Variants in CTNNA2 observed in about 807,000 individuals in gnomAD.
CTNNA2 encodes catenin alpha-2.
In CTNNA2, 42 loss-of-function variants were observed where a neutral mutation model predicts 101.0. The ratio of observed to expected loss-of-function variants is 0.42; its 90% confidence interval spans 0.32 to 0.54. The LOEUF (loss-of-function observed/expected upper bound fraction) is 0.54, where lower values mean the gene tolerates loss of function less well. Among genes scored for constraint, CTNNA2 ranks in the 20% least tolerant of loss-of-function variants. The pLI, the probability that CTNNA2 is intolerant of heterozygous loss-of-function variation, is 0.14. For synonymous variants in CTNNA2, 450 were observed against 456.4 expected (o/e 0.99, Z 0.18); for missense variants, 871 against 1,223.1 (o/e 0.71, Z 4.29).
At chr2:80,463,624 T>G (rs1430916041) in intron 9 of CTNNA2, among the ~76,000 whole-genome samples, 1 of 152,220 alleles carries the variant, frequency 6.6e-6, no homozygotes, top group East Asian at 1.9e-4. Flanking sequence ...ACAAGAGGAA[T>G]GAGTTCTGAT....
chr2:80,061,012 A>C (rs1281843716), intron 7 of CTNNA2, among the ~76,000 whole-genome samples: 1 of 152,022 alleles, frequency 6.6e-6, no homozygotes, highest in Non-Finnish European at 1.5e-5. Flanking sequence ...CCTCCATTTC[A>C]ACTGCACCAC....
At chr2:79,433,164 T>C (rs893159364) in intron 4 of CTNNA2, among the ~76,000 whole-genome samples, 10 of 152,244 alleles carry the variant, frequency 6.6e-5, no homozygotes, top group African/African-American at 1.4e-4. Flanking sequence ...CATAGAACTT[T>C]ACACTTGCTT....
intron 4 of CTNNA2, among the ~76,000 whole-genome samples, chr2:79,413,417 G>T (rs1451345519): frequency 6.6e-6 from 1 of 151,948 alleles, no homozygotes; most frequent in Admixed American, 6.6e-5. Flanking sequence ...TGGCTGAATA[G>T]TATTCCACTC....
chr2:79,435,004 C>T (rs1356858226), intron 4 of CTNNA2, among the ~76,000 whole-genome samples: 1 of 152,126 alleles, frequency 6.6e-6, no homozygotes, highest in South Asian at 2.1e-4. Context: ...CTACTGCCCT[C>T]AATGAAACCA....
At chr2:80,564,490 C>T (rs1011178440) in intron 12 of CTNNA2, among the ~76,000 whole-genome samples, 4 of 147,192 alleles carry the variant, frequency 2.7e-5, no homozygotes, top group Non-Finnish European at 4.4e-5. Context: ...GGGTAGTTGT[C>T]GTGAATGGAA....
At position 80,634,278 on chromosome 2, in the gene CTNNA2, T is replaced by C. The variant is rs969202791; in HGVS notation, c.2575-13307T>C. On this transcript the variant is annotated intron_variant, in intron 18 of 18. Transcript: ENST00000402739. ...ATGAGGATGGAAATGGAGCTGCAAT[T>C]TGAAAAGTATGGCTTGGGTAGTTTT... 2.0e-5 allele frequency among the ~76,000 whole-genome samples: 3 copies of C among 152,238 alleles called. No homozygotes were observed. The South Asian group carries it at 6.2e-4, about 32-fold the overall frequency.
At chr2:79,361,272 C>A (rs999351190) in intron 3 of CTNNA2, among the ~76,000 whole-genome samples, 1 of 151,738 alleles carries the variant, frequency 6.6e-6, no homozygotes, top group African/African-American at 2.4e-5. Flanking sequence ...TTTAGACAAA[C>A]AAACAAGAGT....
chr2:80,180,878 A>G (rs1003707711), intron 7 of CTNNA2, among the ~76,000 whole-genome samples: 1 of 152,208 alleles, frequency 6.6e-6, no homozygotes, highest in South Asian at 2.1e-4. Context: ...CCAAGCAAAT[A>G]AACGATTAGA....
At chr2:80,195,354 A>G (rs1706763323) in intron 7 of CTNNA2, among the ~76,000 whole-genome samples, 1 of 152,226 alleles carries the variant, frequency 6.6e-6, no homozygotes, top group Non-Finnish European at 1.5e-5. Context: ...GCCTGGGGAA[A>G]AAAAATCAAA....
chr2:79,210,139 C>G (rs1674153263), intron 2 of CTNNA2, among the ~76,000 whole-genome samples: 1 of 108,468 alleles, frequency 9.2e-6, no homozygotes, highest in African/African-American at 4.3e-5. Flanking sequence ...GAAGTTAAGT[C>G]AGGCCTCCAC....
At chr2:79,516,929 G>C (rs1671838683) in intron 1 of CTNNA2, among the ~76,000 whole-genome samples, 2 of 152,126 alleles carry the variant, frequency 1.3e-5, no homozygotes, top group African/African-American at 4.8e-5. Flanking sequence ...GCCAGTACTT[G>C]TTAGGGTAAT....
At chr2:79,585,794 A>G (rs868257089) in intron 1 of CTNNA2, among the ~76,000 whole-genome samples, 4 of 150,784 alleles carry the variant, frequency 2.7e-5, no homozygotes, top group African/African-American at 9.8e-5. Context: ...CCTCTGGTCT[A>G]CATTGCAGGT....
intron 7 of CTNNA2, among the ~76,000 whole-genome samples, chr2:79,914,236 G>A (rs1297067323): frequency 6.6e-6 from 1 of 151,142 alleles, no homozygotes; most frequent in Non-Finnish European, 1.5e-5. Context: ...TAGACAGATT[G>A]CATTTGAAAG....
chr2:80,315,427 G>GA (rs1237382879), intron 7 of CTNNA2, among the ~76,000 whole-genome samples: 1 of 152,292 alleles, frequency 6.6e-6, no homozygotes, highest in Admixed American at 6.5e-5. Flanking sequence ...AAAATTAGCA[G>GA]AAGACTGGAC....
In CTNNA2 at chr2:80,388,858, G is replaced by C. The variant is rs550149866; in HGVS notation, c.1057-4353G>C. Among the ~76,000 whole-genome samples the C allele has an allele frequency of 4.7e-4, 71 of 152,284 alleles. No homozygotes were observed. The South Asian group carries it at 0.011, about 24-fold the overall frequency. Reference sequence around the variant, plus strand: ...AGGTGAGGCTTCTGGTTGACTCCTAGGGAACTAGAATGTGCTTGTGATGAT... The same window carrying C: ...AGGTGAGGCTTCTGGTTGACTCCTACGGAACTAGAATGTGCTTGTGATGAT... On this transcript the variant is annotated intron_variant, in intron 7 of 18. Coordinates refer to ENST00000402739, the MANE Select transcript of CTNNA2 (RefSeq NM_001282597.3).
intron 8 of CTNNA2, among the ~76,000 whole-genome samples, chr2:80,413,330 T>C (rs1679757386): frequency 6.6e-6 from 1 of 152,178 alleles, no homozygotes; most frequent in African/African-American, 2.4e-5. Flanking sequence ...AGTATCCCAA[T>C]TAAAATGATT....
chr2:79,236,325 G>A (rs1025145005), intron 2 of CTNNA2, among the ~76,000 whole-genome samples: 18 of 152,078 alleles, frequency 1.2e-4, no homozygotes, highest in Admixed American at 1.0e-3. Flanking sequence ...TTTAGAGACA[G>A]GTCTCACTAT....
intron 9 of CTNNA2, among the ~76,000 whole-genome samples, chr2:80,501,970 A>C (rs1687914782): frequency 6.6e-6 from 1 of 152,124 alleles, no homozygotes; most frequent in Non-Finnish European, 1.5e-5. Context: ...GTTTCTGTAA[A>C]ACTCTCCAAG....
chr2:80,401,473 T>A (rs1208572790), intron 8 of CTNNA2, among the ~76,000 whole-genome samples: 1 of 152,204 alleles, frequency 6.6e-6, no homozygotes, highest in East Asian at 1.9e-4. Flanking sequence ...AAGACTTAGC[T>A]CAAGAGCAGC....
Sources: gnomAD v4.1 joint callset for allele counts (sites outside exome capture counted in the v4.1 genomes callset) on GRCh38, gnomAD v4.1.1 for gene constraint, MANE v1.5 for transcripts, NCBI Gene and HGNC (gene_info 2026-07-23, HGNC 2026-07-21) for gene names.